The following ATOH8 variants were observed in gnomAD, a reference collection of about 807,000 sequenced individuals.
ATOH8 encodes atonal bHLH transcription factor 8, also known as transcription factor ATOH8.
Under a neutral mutation model 21.2 loss-of-function variants are expected in ATOH8, and 9 were observed. The ratio of observed to expected loss-of-function variants is 0.42; its 90% CI spans 0.26 to 0.74. The LOEUF (loss-of-function observed/expected upper bound fraction) is 0.74, where lower values mean the gene tolerates loss of function less well. Among genes scored for constraint, ATOH8 ranks in the 30% least tolerant of loss-of-function variants. ATOH8 has a pLI of 0.24. For synonymous variants in ATOH8, 253 were observed against 224.0 expected (o/e 1.13, Z -1.16); for missense variants, 524 against 470.9 (o/e 1.11, Z -1.04).
chr2:85,785,033 G>T lies in ATOH8; in HGVS notation c.961-1852G>T, dbSNP rs944080234. ...ACCCCTGTCTCCTTTAATCCTGGATGGTAGCTGTGGCTTCAGCGGGGACTA... is the reference window on the plus strand; with the variant it reads ...ACCCCTGTCTCCTTTAATCCTGGATTGTAGCTGTGGCTTCAGCGGGGACTA... On this transcript the variant is annotated intron_variant, in intron 2 of 2. Transcript: ENST00000306279. The surrounding 1 kb of genome is among the most constrained non-coding windows in gnomAD (Gnocchi z 4.1). Among the ~76,000 whole-genome samples, 29 of 152,370 alleles carry T rather than the reference G, an allele frequency of 1.9e-4. No individual in the cohort carries two copies. Among genetic ancestry groups the T allele is most frequent in the Admixed American group, 1.9e-3 (29 of 15,312 alleles).
At chr2:85,778,358 A>T (rs1014812005) in intron 2 of ATOH8, among the ~76,000 whole-genome samples, 4 of 152,102 alleles carry the variant, frequency 2.6e-5, no homozygotes, top group African/African-American at 7.2e-5. Context: ...CTAATCAGAG[A>T]TGTCCCTACC....
chr2:85,770,637 G>C (rs556938080), intron 2 of ATOH8, among the ~76,000 whole-genome samples: 1 of 152,364 alleles, frequency 6.6e-6, no homozygotes, highest in South Asian at 2.1e-4. Context: ...GCCTGGGCTG[G>C]AGGGGTCATT....
At chr2:85,780,920 C>T in intron 2 of ATOH8, 8 of 986,622 alleles carry the variant, frequency 8.1e-6, no homozygotes, top group Non-Finnish European at 9.6e-6. Context: ...CCAGGCCAGG[C>T]AGGCAGGAGG....
At chr2:85,773,316 G>C (rs1394783039) in intron 2 of ATOH8, 3 of 161,482 alleles carry the variant, frequency 1.9e-5, no homozygotes, top group South Asian at 1.7e-4. Context: ...AAGCCTTCTG[G>C]GATATGTCTG....
intron 2 of ATOH8, among the ~76,000 whole-genome samples, chr2:85,770,960 C>G (rs1301671917): frequency 6.6e-6 from 1 of 152,166 alleles, no homozygotes; most frequent in Non-Finnish European, 1.5e-5. Flanking sequence ...GAAGTCCCCT[C>G]TGATGCCCTA....
chr2:85,783,704 GCGGGGAATGTAAGCCTCTCGCACTGTGC>G (rs1680555509), intron 2 of ATOH8: 2 of 152,238 alleles, frequency 1.3e-5, no homozygotes, highest in Admixed American at 1.3e-4. Flanking sequence ...GGCCAGTGCT[GCGGGGAATGTAAGCCTCTCGCACTGTGC>G]CCCTCACATG....
At chr2:85,767,219 C>A (rs1480879589) in intron 2 of ATOH8, among the ~76,000 whole-genome samples, 1 of 152,188 alleles carries the variant, frequency 6.6e-6, no homozygotes, top group East Asian at 1.9e-4. Context: ...ACCCCCAGGA[C>A]AATTGAACCA....
chr2:85,786,465 G>T (rs1402971929), intron 2 of ATOH8, among the ~76,000 whole-genome samples: 1 of 152,092 alleles, frequency 6.6e-6, no homozygotes, highest in Non-Finnish European at 1.5e-5. Flanking sequence ...CTAGGGCAGC[G>T]CAAGGAAGCT....
chr2:85,775,306 G>A, intron 2 of ATOH8: 1 of 985,010 alleles, frequency 1.0e-6, no homozygotes, highest in Non-Finnish European at 1.2e-6. Context: ...AATCCACACT[G>A]CTAGGGCTGA....
In ATOH8 at chr2:85,785,901, A is replaced by G. The variant is rs943023588; in HGVS notation, c.961-984A>G. 1.3e-5 allele frequency among the ~76,000 whole-genome samples: 2 copies of G among 152,200 alleles called. No individual in the cohort carries two copies. Among genetic ancestry groups the G allele is most frequent in the East Asian group, 1.9e-4 (1 of 5,198 alleles). The stretch of plus-strand genomic sequence containing the variant: ...TGCTTTAAGAGGGTTATGTTGTACC[A>G]GGTTCAGGGACTTTGTTATTTTTCA... On this transcript the variant is annotated intron_variant, in intron 2 of 2. Transcript: ENST00000306279. This position sits in a 1 kb window ranked among gnomAD's most constrained non-coding sequence, Gnocchi z 4.1.
chr2:85,763,930 C>A, intron 1 of ATOH8, 61 bp from the exon 2 acceptor site: 1 of 1,535,060 alleles, frequency 6.5e-7, no homozygotes, highest in South Asian at 1.2e-5. Context: ...AGGCCGTCTC[C>A]CATGCCTGCC....
chr2:85,783,538 AG>A lies in ATOH8; in HGVS notation c.961-3346del, dbSNP rs1680550909. ...AGCCGAGATCGTGCCATTGCGCTCC[AG>A]CCTGGGCAACAAGAGTGAAACTCCG... On this transcript the variant is annotated intron_variant, in intron 2 of 2. Coordinates refer to ENST00000306279, the MANE Select transcript of ATOH8 (RefSeq NM_032827.7). 3 of 152,806 alleles carry A rather than the reference AG, an allele frequency of 2.0e-5. No homozygotes were observed. The East Asian group carries it at 5.8e-4, about 29-fold the overall frequency. The allele number at this position is 152,806 out of a possible 1,614,324, so 9.5% of individuals were successfully genotyped here.
In ATOH8 at chr2:85,766,341, C is replaced by T. The variant is rs1375060243; in HGVS notation, c.960+2159C>T. ...TGTTTCCTCTCCACCCTCCCTCCCC[C>T]ACACCCAGCCCGGGCCTGAGGGCAC... On this transcript the variant is annotated intron_variant, in intron 2 of 2. Transcript: ENST00000306279. This position sits in a 1 kb window ranked among gnomAD's most constrained non-coding sequence, Gnocchi z 4.0. 3.9e-5 allele frequency among the ~76,000 whole-genome samples: 6 copies of T among 152,126 alleles called. No homozygotes were observed. The South Asian group carries it at 8.3e-4, about 21-fold the overall frequency.
intron 1 of ATOH8, 64 bp downstream of exon 1, chr2:85,755,021 G>A: frequency 6.7e-7 from 1 of 1,498,114 alleles, no homozygotes; most frequent in Non-Finnish European, 8.8e-7. Flanking sequence ...GGGTGGGCGA[G>A]TGGCCGGGGC....
intron 2 of ATOH8, among the ~76,000 whole-genome samples, chr2:85,770,552 T>C (rs1680153239): frequency 6.6e-6 from 1 of 152,234 alleles, no homozygotes; most frequent in African/African-American, 2.4e-5. Context: ...CAGCTGTTTG[T>C]TCTAACACGG....
chr2:85,773,248 T>C (rs764871623), intron 2 of ATOH8: 24 of 183,212 alleles, frequency 1.3e-4, no homozygotes, highest in Non-Finnish European at 2.4e-4. Flanking sequence ...GTGCCTCGGC[T>C]CTGCCGCTGA....
chr2:85,781,543 G>A (rs1384426289), intron 2 of ATOH8, among the ~76,000 whole-genome samples: 1 of 152,096 alleles, frequency 6.6e-6, no homozygotes, highest in African/African-American at 2.4e-5. Context: ...TCCAGCCTGG[G>A]TGGCAGAGTA....
chr2:85,772,570 C>T (rs1416082929), intron 2 of ATOH8: 1 of 387,252 alleles, frequency 2.6e-6, no homozygotes, highest in South Asian at 1.9e-5. Context: ...TCTGCTGGCA[C>T]ATTCCCCAGC....
intron 2 of ATOH8, among the ~76,000 whole-genome samples, chr2:85,784,588 A>C (rs1680576149): frequency 6.6e-6 from 1 of 152,140 alleles, no homozygotes; most frequent in South Asian, 2.1e-4. Flanking sequence ...AGCCACACAA[A>C]TTTGTTTACT....
Sources: gnomAD v4.1 joint callset for allele counts (sites outside exome capture counted in the v4.1 genomes callset) on GRCh38, gnomAD v4.1.1 for gene constraint, Gnocchi (gnomAD v3.1) non-coding constraint, MANE v1.5 for transcripts, NCBI Gene and HGNC (gene_info 2026-07-23, HGNC 2026-07-21) for gene names.